ANK2: variants seen among roughly 807,000 people sequenced by gnomAD.
The protein encoded by ANK2 is ankyrin 2.
ANK2 carries 83 observed loss-of-function variants against 360.5 expected under a neutral mutation model. The observed-to-expected ratio is 0.23, with a 90% CI of 0.19 to 0.28. The LOEUF is 0.28. Among genes scored for constraint, ANK2 ranks in the 10% least tolerant of loss-of-function variants. The probability of loss-of-function intolerance (pLI) is 1.00; values close to 1 mark genes in which losing one functional copy is unlikely to be tolerated. For synonymous variants in ANK2, 1,740 were observed against 1,759.5 expected (o/e 0.99, Z 0.28); for missense variants, 4,201 against 4,795.7 (o/e 0.88, Z 3.66).
At chr4:113,366,718 C>T (rs1055901673) in intron 41 of ANK2, among the ~76,000 whole-genome samples, 21 of 152,158 alleles carry the variant, frequency 1.4e-4, no homozygotes, top group Non-Finnish European at 1.5e-5. Flanking sequence ...CTAAGCAGAG[C>T]CTTTCCTGAC....
chr4:113,082,726 C>T (rs1581058090), intron 1 of ANK2, among the ~76,000 whole-genome samples: 2 of 152,246 alleles, frequency 1.3e-5, no homozygotes, highest in Middle Eastern at 6.8e-3. Flanking sequence ...AGAGAGAAAA[C>T]GTGGCTCAAA....
chr4:113,048,248 GTATATA>G (rs869196489), upstream of ANK2, among the ~76,000 whole-genome samples: 2,266 of 35,994 alleles, frequency 0.063, 149 homozygotes, highest in African/African-American at 0.13. Flanking sequence ...CTACAAGTGT[GTATATA>G]TATATATATA....
intron 1 of ANK2, among the ~76,000 whole-genome samples, chr4:113,172,754 A>T (rs890110338): frequency 1.3e-5 from 2 of 152,214 alleles, no homozygotes; most frequent in East Asian, 3.8e-4. Flanking sequence ...ATACTATTTA[A>T]TTTTTGTTGT....
chr4:113,270,668 C>T (rs988157854), intron 14 of ANK2, among the ~76,000 whole-genome samples: 3 of 152,046 alleles, frequency 2.0e-5, no homozygotes, highest in Non-Finnish European at 4.4e-5. Context: ...AACAAAAATA[C>T]TGTAGCCTTG....
chr4:113,289,066 C>A (rs1273369392), intron 20 of ANK2, among the ~76,000 whole-genome samples: 2 of 152,102 alleles, frequency 1.3e-5, no homozygotes, highest in Non-Finnish European at 2.9e-5. Context: ...CACTTTACTT[C>A]GTGCACTCAA....
intron 26 of ANK2, among the ~76,000 whole-genome samples, chr4:113,324,950 C>G (rs1408875103): frequency 6.6e-6 from 1 of 152,186 alleles, no homozygotes; most frequent in African/African-American, 2.4e-5. Flanking sequence ...TCATGGTTTT[C>G]TCCTGCCTCC....
chr4:112,800,087 A>C, the ANK2 span, among the ~76,000 whole-genome samples: 2 of 152,190 alleles, frequency 1.3e-5, no homozygotes, highest in African/African-American at 4.8e-5. Context: ...AATGGAGTAT[A>C]TGCCATGCAC....
At chr4:112,977,597 G>A (rs1213052240) in intron 2 of ANK2, among the ~76,000 whole-genome samples, 1 of 150,694 alleles carries the variant, frequency 6.6e-6, no homozygotes, top group Non-Finnish European at 1.5e-5. Flanking sequence ...TAAGTTCTGG[G>A]ATACATGTGC....
chr4:113,284,541 CT>C (rs1270334578), intron 18 of ANK2, among the ~76,000 whole-genome samples: 2 of 152,154 alleles, frequency 1.3e-5, no homozygotes, highest in Non-Finnish European at 2.9e-5. Context: ...CGGTATTCTT[CT>C]AAATACATTA....
intron 1 of ANK2, among the ~76,000 whole-genome samples, chr4:112,821,630 GTAACTGGGAT>G (rs1339029715): frequency 6.6e-6 from 1 of 150,796 alleles, no homozygotes; most frequent in African/African-American, 2.4e-5. Flanking sequence ...AGCCTCTTGA[GTAACTGGGAT>G]TATAGGCAAG....
chr4:112,830,342 T>C (rs1234315629), intron 1 of ANK2, among the ~76,000 whole-genome samples: 1 of 152,206 alleles, frequency 6.6e-6, no homozygotes, highest in East Asian at 1.9e-4. Flanking sequence ...ATCATGTCCT[T>C]TGTAGCAATA....
intron 1 of ANK2, among the ~76,000 whole-genome samples, chr4:113,131,682 C>G (rs960146330): frequency 5.3e-5 from 8 of 152,186 alleles, no homozygotes; most frequent in African/African-American, 1.9e-4. Context: ...GGAGACAAAC[C>G]TGTGAAACAG....
At chr4:113,330,495 A>T (rs1216980927) in intron 27 of ANK2, 25 bp downstream of exon 27, 3 of 1,609,866 alleles carry the variant, frequency 1.9e-6, no homozygotes, top group Non-Finnish European at 2.5e-6. Flanking sequence ...TAAACCTCCC[A>T]CTTAGTCATC....
In ANK2 at chr4:112,860,663, A is replaced by G. The variant is rs556610028; in HGVS notation, c.-40+42399A>G. On this transcript the variant is annotated intron_variant, in intron 1 of 30. Transcript: ENST00000503271. ...GTCTTATTTTACAAAATAAAGAAAT[A>G]TTTGCAAAATTGGAGGCTTGCTTAG... is the stretch of plus-strand genomic sequence containing the variant. Among the ~76,000 whole-genome samples, 158 of 152,310 alleles carry G rather than the reference A, an allele frequency of 1.0e-3. 2 individuals are homozygous for G. Among genetic ancestry groups the G allele is most frequent in the Admixed American group, 3.2e-3 (49 of 15,292 alleles).
At chr4:112,890,556 GTTTTTT>G (rs754680934) in intron 1 of ANK2, among the ~76,000 whole-genome samples, 7 of 67,462 alleles carry the variant, frequency 1.0e-4, no homozygotes, top group African/African-American at 3.6e-4. Context: ...CATTTCTGTG[GTTTTTT>G]TTTTTTTTTT....
the ANK2 span, among the ~76,000 whole-genome samples, chr4:112,765,995 A>C: frequency 9.9e-5 from 15 of 152,206 alleles, no homozygotes; most frequent in East Asian, 9.6e-4. Context: ...TACTCTCAGC[A>C]TGACTGACAC....
intron 2 of ANK2, among the ~76,000 whole-genome samples, chr4:113,028,212 G>A (rs190103772): frequency 1.0e-3 from 159 of 152,166 alleles, no homozygotes; most frequent in African/African-American, 3.6e-3. Flanking sequence ...GAGTAGGCAA[G>A]CACCTGATCC....
intron 2 of ANK2, among the ~76,000 whole-genome samples, chr4:113,176,992 G>C (rs889249052): frequency 2.0e-5 from 3 of 152,100 alleles, no homozygotes; most frequent in African/African-American, 7.2e-5. Context: ...AGTATTCCAT[G>C]GTGTATATGT....
intron 1 of ANK2, among the ~76,000 whole-genome samples, chr4:112,888,260 A>G (rs2078975783): frequency 2.0e-5 from 3 of 152,202 alleles, no homozygotes; most frequent in Admixed American, 2.0e-4. Flanking sequence ...GGAAATGGTT[A>G]ATAGAATGTT....
Sources: gnomAD v4.1 joint callset for allele counts (sites outside exome capture counted in the v4.1 genomes callset) on GRCh38, gnomAD v4.1.1 for gene constraint, MANE v1.5 for transcripts, NCBI Gene and HGNC (gene_info 2026-07-23, HGNC 2026-07-21) for gene names.